Variants in ZFYVE16 observed in about 807,000 individuals in gnomAD.
ZFYVE16 encodes zinc finger FYVE domain-containing protein 16.
ZFYVE16 carries 89 observed loss-of-function variants against 138.1 expected under a neutral mutation model. The ratio of observed to expected loss-of-function variants is 0.64; its 90% CI spans 0.54 to 0.77. The LOEUF (loss-of-function observed/expected upper bound fraction) is 0.77. Ranked by LOEUF, ZFYVE16 falls within the 30% of genes least tolerant of loss-of-function variation. ZFYVE16 has a pLI of 0.00. For missense variants in ZFYVE16, 1,793 were observed against 1,786.7 expected (o/e 1.00, Z -0.06); for synonymous variants, 596 against 618.3 (o/e 0.96, Z 0.53).
intron 15 of ZFYVE16, among the ~76,000 whole-genome samples, chr5:80,468,177 G>A (rs1359180310): frequency 1.3e-5 from 2 of 152,080 alleles, no homozygotes. Flanking sequence ...TTTATCTGGG[G>A]TTGCATTAAA....
chr5:80,455,173 A>T (rs984647835), intron 11 of ZFYVE16: 2 of 154,168 alleles, frequency 1.3e-5, no homozygotes, highest in African/African-American at 4.8e-5. Context: ...TTTAAATAAG[A>T]TAATGTATGT....
At chr5:80,408,915 C>T (rs1294721776) in intron 1 of ZFYVE16, among the ~76,000 whole-genome samples, 2 of 152,138 alleles carry the variant, frequency 1.3e-5, no homozygotes. Flanking sequence ...TTGAGCTTGT[C>T]GTCTCTTGAG....
chr5:80,434,068 A>G (rs1004213675), intron 2 of ZFYVE16, 41 bp from the exon 3 acceptor site: 1 of 1,326,516 alleles, frequency 7.5e-7, no homozygotes, highest in Admixed American at 1.9e-5. Context: ...AAAATTTGTT[A>G]TGTAATTAAA....
rs1755296672 is a variant in ZFYVE16, at chr5:80,482,198, A to G, written c.*4821A>G. 6.6e-6 allele frequency: 1 copy of G among 152,268 alleles called. No individual in the cohort carries two copies. The allele number at this position is 152,268 out of a possible 1,614,324, so 9.4% of individuals were successfully genotyped here. On this transcript the variant is annotated 3_prime_UTR_variant, in exon 19 of 19. Coordinates refer to ENST00000505560, the MANE Select transcript of ZFYVE16 (RefSeq NM_001284236.3). ...AAATATATAAAGGGAAACACTGTTG[A>G]AATAAATGGAAAGCTAAAAGTCTCA...
At chr5:80,411,100 T>A (rs1375377372) in intron 1 of ZFYVE16, among the ~76,000 whole-genome samples, 1 of 150,118 alleles carries the variant, frequency 6.7e-6, no homozygotes, top group East Asian at 2.0e-4. Flanking sequence ...CCCAAGTAGC[T>A]GGGGCTACAG....
intron 1 of ZFYVE16, among the ~76,000 whole-genome samples, chr5:80,420,484 C>G (rs1404902967): frequency 3.9e-5 from 6 of 152,066 alleles, no homozygotes. Flanking sequence ...TGTGATGTTC[C>G]CCTTCCTGTG....
chr5:80,459,997 T>A (rs1355094714), intron 15 of ZFYVE16, among the ~76,000 whole-genome samples: 1 of 152,162 alleles, frequency 6.6e-6, no homozygotes, highest in East Asian at 1.9e-4. Flanking sequence ...AGAGTTTCTG[T>A]AAAATATATA....
In ZFYVE16 at chr5:80,436,951, C is replaced by T; in HGVS notation, c.266C>T (p.Thr89Ile). Reference protein sequence around the residue: ...SLNEKTLKGLTSIQNEKNVTG... With the variant: ...SLNEKTLKGLISIQNEKNVTG... Reference sequence around the variant, plus strand: ...AATGAAAAAACACTCAAGGGACTTACTTCTATACAAAATGAAAAAAATGTA... The same window carrying T: ...AATGAAAAAACACTCAAGGGACTTATTTCTATACAAAATGAAAAAAATGTA... Residue 89 changes from threonine (T) to isoleucine (I), a missense_variant, in exon 4 of 19, where the codon ACT becomes ATT. By Grantham distance (89) the Thr-to-Ile change is moderately conservative. Coordinates refer to ENST00000505560, the MANE Select transcript of ZFYVE16 (RefSeq NM_001284236.3). 6.8e-6 allele frequency: 11 copies of T among 1,614,086 alleles called. No individual in the cohort carries two copies. The highest frequency in any genetic ancestry group is 8.5e-6 in the Non-Finnish European group (10 of 1,180,006).
chr5:80,472,677 A>T (rs1754500909), intron 15 of ZFYVE16, 84 bp from the exon 16 acceptor site: 1 of 1,317,446 alleles, frequency 7.6e-7, no homozygotes, highest in Non-Finnish European at 1.0e-6. Context: ...CTTACACAGA[A>T]CATATTTTGA....
chr5:80,473,800 G>A lies in ZFYVE16; in HGVS notation c.4234G>A (p.Glu1412Lys), dbSNP rs749835980. The A allele has an allele frequency of 6.2e-7, 1 of 1,613,036 alleles. No homozygotes were observed. Among genetic ancestry groups the A allele is most frequent in the Admixed American group, 1.7e-5 (1 of 59,920 alleles). The change falls in exon 17 of 19, where the codon GAA becomes AAA. Residue 1412 changes from glutamate (E) to lysine (K), a missense_variant. By Grantham distance (56) the Glu-to-Lys change is moderately conservative. Coordinates refer to ENST00000505560, the MANE Select transcript of ZFYVE16 (RefSeq NM_001284236.3). ...AATATCATTACAAGGATTTCCAAGTGAAAAAATAAAACTGGAAGCAGATTT... is the reference window on the plus strand; with the variant it reads ...AATATCATTACAAGGATTTCCAAGTAAAAAAATAAAACTGGAAGCAGATTT... ...DGISLQGFPS[E>K]KIKLEADFET...
At chr5:80,440,553 T>G in intron 5 of ZFYVE16, 14 of 985,318 alleles carry the variant, frequency 1.4e-5, no homozygotes, top group Non-Finnish European at 1.6e-5. Flanking sequence ...TTTTTTCTTT[T>G]CTCAACTTTA....
Position 80,474,882 on chromosome 5 carries a change from CA to C in ZFYVE16, c.4461+54del, listed in dbSNP as rs1561342065. 2.6e-6 allele frequency: 4 copies of C among 1,549,264 alleles called. No individual in the cohort carries two copies. The South Asian group carries it at 4.9e-5, about 19-fold the overall frequency. On this transcript the variant is annotated intron_variant, in intron 18 of 18. Coordinates refer to ENST00000505560, the MANE Select transcript of ZFYVE16 (RefSeq NM_001284236.3). Reference sequence around the variant, plus strand: ...TTGAAATGAATGTATTGCATATTAACAAGTTTTTCTTCAACCTTTTATTTTG... The same window carrying C: ...TTGAAATGAATGTATTGCATATTAACAGTTTTTCTTCAACCTTTTATTTTG...
At position 80,478,509 on chromosome 5, in the gene ZFYVE16, T is replaced by TG. The variant is rs1324113781; in HGVS notation, c.*1138dup. 4 of 152,024 alleles carry TG rather than the reference T, an allele frequency of 2.6e-5. No individual in the cohort carries two copies. Among genetic ancestry groups the TG allele is most frequent in the Non-Finnish European group, 4.4e-5 (3 of 67,934 alleles). The allele number at this position is 152,024 out of a possible 1,614,324, so 9.4% of individuals were successfully genotyped here. A position where few individuals can be genotyped will look rare whatever the true frequency, so the allele number is the denominator to read the frequency against. ...CTCTTTACTTCAAACAGCAAAAAAG[T>TG]GGGGGGCATATTGTAGTCCTGTCAT... is the stretch of plus-strand genomic sequence containing the variant. On this transcript the variant is annotated 3_prime_UTR_variant, in exon 19 of 19. Coordinates refer to ENST00000505560, the MANE Select transcript of ZFYVE16 (RefSeq NM_001284236.3).
intron 15 of ZFYVE16, among the ~76,000 whole-genome samples, chr5:80,462,372 GA>G (rs897560404): frequency 4.6e-5 from 7 of 152,304 alleles, no homozygotes; most frequent in African/African-American, 1.7e-4. Flanking sequence ...GCAGGAAGGA[GA>G]AGTGCTGAGT....
At position 80,438,408 on chromosome 5, in the gene ZFYVE16, A is replaced by G; in HGVS notation, c.1723A>G (p.Asn575Asp). Reference sequence around the variant, plus strand: ...GAAAGGCTTAGATGATGGAAACATCAATAATATATATTTCAATGCAGAAGC... The same window carrying G: ...GAAAGGCTTAGATGATGGAAACATCGATAATATATATTTCAATGCAGAAGC... ...DMKGLDDGNI[N>D]NIYFNAEAGA... The change falls in exon 4 of 19, where the codon AAT becomes GAT. Residue 575 changes from asparagine (N) to aspartate (D), a missense_variant. This residue lies in a region of ZFYVE16 where 1,295 missense variants were observed against 1,204.3 expected (regional missense o/e 1.08). Transcript: ENST00000505560. 6.2e-7 allele frequency: 1 copy of G among 1,613,900 alleles called. No homozygotes were observed. Among genetic ancestry groups the G allele is most frequent in the Non-Finnish European group, 8.5e-7 (1 of 1,179,848 alleles).
chr5:80,461,153 AT>A (rs1753064278), intron 15 of ZFYVE16, among the ~76,000 whole-genome samples: 1 of 152,222 alleles, frequency 6.6e-6, no homozygotes, highest in African/African-American at 2.4e-5. Flanking sequence ...TCATTAGAGC[AT>A]TTCAGATTTC....
intron 2 of ZFYVE16, 81 bp from the exon 3 acceptor site, chr5:80,434,028 C>T (rs1484118053): frequency 2.2e-6 from 2 of 907,060 alleles, no homozygotes; most frequent in Non-Finnish European, 3.4e-6. Flanking sequence ...AATTTCTTGA[C>T]TGTGTTTCCT....
Position 80,455,211 on chromosome 5 carries a change from G to T in ZFYVE16, c.3608-481G>T, listed in dbSNP as rs1006974551. On this transcript the variant is annotated intron_variant, in intron 11 of 18. Transcript: ENST00000505560. Reference sequence around the variant, plus strand: ...AGTTCCCAGTTCAATGTAGCATCTAGTAGATACATAGATACACAGTAAGTG... The same window carrying T: ...AGTTCCCAGTTCAATGTAGCATCTATTAGATACATAGATACACAGTAAGTG... 3 of 167,044 alleles carry T rather than the reference G, an allele frequency of 1.8e-5. No individual in the cohort carries two copies. In the South Asian group the frequency reaches 4.5e-4, roughly 25 times the overall value. 10.3% of individuals were successfully genotyped at this position (167,044 alleles called of 1,614,324 possible).
rs547042638 is a variant in ZFYVE16 at position 80,420,266 on chromosome 5, C to T, written c.-93-7226C>T. Among the ~76,000 whole-genome samples, 21 of 151,874 alleles carry T rather than the reference C, an allele frequency of 1.4e-4. No individual in the cohort carries two copies. In the South Asian group the frequency reaches 4.2e-3, roughly 30 times the overall value. On this transcript the variant is annotated intron_variant, in intron 1 of 18. Coordinates refer to ENST00000505560, the MANE Select transcript of ZFYVE16 (RefSeq NM_001284236.3). ...GGATTATAGGCGTGTACCACCACGC[C>T]CAGCTAATTTTTATTTTTATTATTA...
Sources: gnomAD v4.1 joint callset for allele counts (sites outside exome capture counted in the v4.1 genomes callset) on GRCh38, gnomAD v4.1.1 for gene constraint, gnomAD v4.1.1 regional missense constraint, MANE v1.5 for transcripts, NCBI Gene and HGNC (gene_info 2026-07-23, HGNC 2026-07-21) for gene names.